Variants in NRG3 observed in about 807,000 individuals in gnomAD.
NRG3 encodes the protein pro-neuregulin-3, membrane-bound isoform.
NRG3 carries 31 observed loss-of-function variants against 66.9 expected under a neutral mutation model. The observed-to-expected ratio is 0.46, with a 90% CI of 0.35 to 0.63. The LOEUF is 0.63. Among genes scored for constraint, NRG3 ranks in the 20% least tolerant of loss-of-function variants. NRG3 has a pLI of 0.00. For missense variants in NRG3, 910 were observed against 878.9 expected, an observed-to-expected ratio of 1.04 and a Z score of -0.45; for synonymous variants, 393 against 359.4, an observed-to-expected ratio of 1.09 and a Z score of -1.06.
At chr10:81,981,413 T>G (rs1693523553) in intron 1 of NRG3, among the ~76,000 whole-genome samples, 1 of 152,234 alleles carries the variant, frequency 6.6e-6, no homozygotes, top group Non-Finnish European at 1.5e-5. Context: ...TAAGGCTCAG[T>G]AGTAATCCTG....
chr10:82,479,995 C>CAAA lies in NRG3; in HGVS notation c.953+121132_953+121134dup, dbSNP rs555038132. ...AAACAAAAACAAAAACAAAAACAAA[C>CAAA]AAAAAAACCTTACCATTTAAAAAAC... On this transcript the variant is annotated intron_variant, in intron 2 of 8. Transcript: ENST00000372141. Among the ~76,000 whole-genome samples, 30 of 152,088 alleles carry CAAA rather than the reference C, an allele frequency of 2.0e-4. No homozygotes were observed. The East Asian group carries it at 5.6e-3, about 28-fold the overall frequency.
chr10:82,466,423 A>C (rs1270598829), intron 2 of NRG3, among the ~76,000 whole-genome samples: 1 of 152,148 alleles, frequency 6.6e-6, no homozygotes, highest in Non-Finnish European at 1.5e-5. Context: ...AATCAACTTC[A>C]ACATCCATCT....
chr10:82,853,421 T>A (rs2063657979), intron 3 of NRG3, among the ~76,000 whole-genome samples: 1 of 152,232 alleles, frequency 6.6e-6, no homozygotes, highest in East Asian at 1.9e-4. Context: ...TACCCATCCA[T>A]GAGCATGGGA....
chr10:82,585,563 C>G (rs1039725842), intron 2 of NRG3, among the ~76,000 whole-genome samples: 1 of 152,166 alleles, frequency 6.6e-6, no homozygotes, highest in African/African-American at 2.4e-5. Context: ...CAGTAGTTAC[C>G]TCCTCCTCAT....
intron 3 of NRG3, among the ~76,000 whole-genome samples, chr10:82,846,749 A>T (rs1049388207): frequency 1.3e-5 from 2 of 152,210 alleles, no homozygotes; most frequent in African/African-American, 4.8e-5. Flanking sequence ...TAAGAAAAGG[A>T]TATCCACTTA....
At chr10:82,042,403 A>T (rs561952842) in intron 1 of NRG3, among the ~76,000 whole-genome samples, 7 of 152,048 alleles carry the variant, frequency 4.6e-5, no homozygotes, top group Non-Finnish European at 1.0e-4. Flanking sequence ...ATTTAATGGA[A>T]ATTGTCAAAA....
At position 82,155,816 on chromosome 10, in the gene NRG3, G is replaced by A. The variant is rs563535983; in HGVS notation, c.824-202923G>A. ...AATTTTCAATATTTATATTTCATGTGATTATAAAAATGATAAAAGCTCAAT... is the reference window on the plus strand; with the variant it reads ...AATTTTCAATATTTATATTTCATGTAATTATAAAAATGATAAAAGCTCAAT... On this transcript the variant is annotated intron_variant, in intron 1 of 8. Coordinates refer to ENST00000372141, the MANE Select transcript of NRG3 (RefSeq NM_001010848.4). Among the ~76,000 whole-genome samples the A allele has an allele frequency of 2.3e-3, 354 of 151,672 alleles. 2 individuals carry two copies. Among genetic ancestry groups the A allele is most frequent in the African/African-American group, 7.3e-3 (301 of 41,470 alleles).
chr10:82,729,069 C>G (rs2057761627), intron 2 of NRG3, among the ~76,000 whole-genome samples: 1 of 152,090 alleles, frequency 6.6e-6, no homozygotes, highest in Admixed American at 6.5e-5. Context: ...GAAAGGAGCA[C>G]CTGAGACTTC....
chr10:82,810,671 G>C (rs531328327), intron 3 of NRG3, among the ~76,000 whole-genome samples: 1 of 150,076 alleles, frequency 6.7e-6, no homozygotes, highest in African/African-American at 2.5e-5. Context: ...GCGGAGGCAG[G>C]AGAATCACTT....
rs577154238 is a variant in NRG3 at position 82,160,450 on chromosome 10, G to A, written c.824-198289G>A. ...TCATGGCTATACAGATGAAAACATC[G>A]CTAAACAGAGTGAATCATAATAATG... On this transcript the variant is annotated intron_variant, in intron 1 of 8. Transcript: ENST00000372141. Among the ~76,000 whole-genome samples the A allele has an allele frequency of 1.8e-4, 28 of 151,904 alleles. No individual in the cohort carries two copies. In the South Asian group the frequency reaches 5.8e-3, roughly 31 times the overall value.
intron 2 of NRG3, among the ~76,000 whole-genome samples, chr10:82,513,377 T>C (rs912711144): frequency 1.3e-5 from 2 of 152,206 alleles, no homozygotes; most frequent in Non-Finnish European, 2.9e-5. Context: ...TTAGGTTGAC[T>C]CCATGTCTTT....
chr10:82,134,989 G>A (rs534686394), intron 1 of NRG3, among the ~76,000 whole-genome samples: 7 of 151,892 alleles, frequency 4.6e-5, no homozygotes, highest in Admixed American at 3.9e-4. Context: ...AGCCAGGCGT[G>A]GTGGCACATG....
At chr10:82,467,302 G>A (rs1264387111) in intron 2 of NRG3, among the ~76,000 whole-genome samples, 1 of 152,136 alleles carries the variant, frequency 6.6e-6, no homozygotes, top group Non-Finnish European at 1.5e-5. Context: ...ATTTCCTCTT[G>A]CCCTTATCCA....
chr10:82,272,659 T>C (rs574249187), intron 1 of NRG3, among the ~76,000 whole-genome samples: 3 of 152,202 alleles, frequency 2.0e-5, no homozygotes, highest in African/African-American at 7.2e-5. Context: ...ACTTTTGAGT[T>C]CGTTTTTAAT....
At chr10:82,371,463 T>C (rs1402077062) in intron 2 of NRG3, among the ~76,000 whole-genome samples, 2 of 152,154 alleles carry the variant, frequency 1.3e-5, no homozygotes, top group African/African-American at 4.8e-5. Flanking sequence ...TATTAAGCAT[T>C]TTCAATGTTC....
chr10:82,072,415 G>T (rs553044852), intron 1 of NRG3, among the ~76,000 whole-genome samples: 1 of 152,112 alleles, frequency 6.6e-6, no homozygotes, highest in Non-Finnish European at 1.5e-5. Flanking sequence ...GTTAGAAGCC[G>T]CATATTTACT....
At chr10:82,333,142 CT>C (rs1245700574) in intron 1 of NRG3, among the ~76,000 whole-genome samples, 1 of 152,144 alleles carries the variant, frequency 6.6e-6, no homozygotes, top group East Asian at 1.9e-4. Context: ...AGATCTACCC[CT>C]GTCTTTTTAT....
In NRG3 at chr10:81,921,035, G is replaced by A. The variant is rs189674772; in HGVS notation, c.823+44872G>A. Among the ~76,000 whole-genome samples, 177 of 152,110 alleles carry A rather than the reference G, an allele frequency of 1.2e-3. 1 individual carries two copies. The highest frequency in any genetic ancestry group is 0.01 in the Middle Eastern group (3 of 294). On this transcript the variant is annotated intron_variant, in intron 1 of 8. Transcript: ENST00000372141. The stretch of plus-strand genomic sequence containing the variant: ...TGGTCAAATGGTATTTACATTTTAA[G>A]TCTTTTTGGTATGTATTTGCAAATT...
At chr10:82,089,244 GAC>G (rs996498224) in intron 1 of NRG3, among the ~76,000 whole-genome samples, 10 of 152,082 alleles carry the variant, frequency 6.6e-5, no homozygotes, top group African/African-American at 2.2e-4. Context: ...CATTTAAAAA[GAC>G]ACAATTTTTG....
Sources: gnomAD v4.1 joint callset for allele counts (sites outside exome capture counted in the v4.1 genomes callset) on GRCh38, gnomAD v4.1.1 for gene constraint, MANE v1.5 for transcripts, NCBI Gene and HGNC (gene_info 2026-07-23, HGNC 2026-07-21) for gene names.